The following MMP2 variants were observed in gnomAD, a reference collection of about 807,000 sequenced individuals.
MMP2 encodes the protein 72 kDa type IV collagenase.
A neutral mutation model predicts 74.8 loss-of-function variants in MMP2; 39 were observed. The observed-to-expected ratio is 0.52, with a 90% CI of 0.40 to 0.68. MMP2 has a LOEUF of 0.68. Ranked by LOEUF, MMP2 falls within the 30% of genes least tolerant of loss-of-function variation. The pLI, the probability that MMP2 is intolerant of heterozygous loss-of-function variation, is 0.00. For missense variants in MMP2, 803 were observed against 878.3 expected, an observed-to-expected ratio of 0.91 and a Z score of 1.08; for synonymous variants, 367 against 339.8, an observed-to-expected ratio of 1.08 and a Z score of -0.88.
In MMP2 at chr16:55,498,328, G is replaced by A. The variant is rs373684923; in HGVS notation, c.1649G>A (p.Arg550Gln). The change falls in exon 11 of 13, where the codon CGA (arginine) becomes CAA (glutamine). Residue 550 changes from arginine to glutamine, a missense_variant. By Grantham distance (43) the Arg-to-Gln change is conservative (BLOSUM62 1). This residue lies in a region of MMP2 where 555 missense variants were observed against 592.0 expected (regional missense o/e 0.94). Transcript: ENST00000219070. ...ATCTACTCAGCCAGCACCCTGGAGC[G>A]AGGGTACCCCAAGCCACTGACCAGC... ...YWIYSASTLE[R>Q]GYPKPLTSLG... 1.4e-4 allele frequency: 222 copies of A among 1,614,134 alleles called. No homozygotes were observed. Among genetic ancestry groups the A allele is most frequent in the Non-Finnish European group, 1.8e-4 (208 of 1,180,062 alleles).
Position 55,496,974 on chromosome 16 carries a change from G to A in MMP2, c.1521G>A (p.Leu507=), listed in dbSNP as rs2142365800. 2 of 1,614,138 alleles carry A rather than the reference G, an allele frequency of 1.2e-6. No homozygotes were observed. ...VTPRDKPMGP[L]LVATFWPELP... The stretch of plus-strand genomic sequence containing the variant: ...CACGTGACAAGCCCATGGGGCCCCT[G>A]CTGGTGGCCACATTCTGGCCTGAGC... The change falls in exon 10 of 13, where the codon CTG becomes CTA. Residue 507 remains leucine (L), a synonymous_variant. Coordinates refer to ENST00000219070, the MANE Select transcript of MMP2 (RefSeq NM_004530.6).
In MMP2 at chr16:55,488,530, C is replaced by T. The variant is rs780689252; in HGVS notation, c.833-13C>T. ...GTCTCATTCACATCCTTCCCTCTCT[C>T]CCCCACCCTTAGCCCTGTTCACCAT... On this transcript the variant is annotated splice_polypyrimidine_tract_variant and intron_variant, in intron 5 of 12. Transcript: ENST00000219070. The T allele has an allele frequency of 6.2e-7, 1 of 1,612,784 alleles. No individual in the cohort carries two copies. The highest frequency in any genetic ancestry group is 1.7e-5 in the Admixed American group (1 of 59,978).
In MMP2 at chr16:55,489,583, T is replaced by C. The variant is rs1220609766; in HGVS notation, c.1007-68T>C. The C allele has an allele frequency of 6.9e-6, 11 of 1,586,750 alleles. No individual in the cohort carries two copies. The East Asian group carries it at 1.8e-4, about 26-fold the overall frequency. On this transcript the variant is annotated intron_variant, in intron 6 of 12. Transcript: ENST00000219070. ...GTGTGGTTCATTAAGGTCAGCGTCA[T>C]GTCATTGCTTCCTGGTGGTAGCCTC...
chr16:55,493,050 G>A, intron 8 of MMP2, 108 bp from the exon 9 acceptor site: 7 of 1,381,124 alleles, frequency 5.1e-6, no homozygotes, highest in Admixed American at 1.9e-5. Context: ...AGGCCAGAAG[G>A]CGATTTCTTC....
At chr16:55,479,057 G>T (rs1480173826), upstream of MMP2, 1 of 152,930 alleles carries the variant, frequency 6.5e-6, no homozygotes, top group East Asian at 2.0e-4. Context: ...AAGGAAAAAA[G>T]AGGAGAAAAG....
At chr16:55,492,402 C>T (rs1230142776) in intron 8 of MMP2, among the ~76,000 whole-genome samples, 1 of 151,702 alleles carries the variant, frequency 6.6e-6, no homozygotes, top group African/African-American at 2.4e-5. Flanking sequence ...GTAGTAGAAA[C>T]AGAACAACCA....
chr16:55,485,002 G>T (rs1190619353), intron 3 of MMP2, among the ~76,000 whole-genome samples: 1 of 152,114 alleles, frequency 6.6e-6, no homozygotes, highest in East Asian at 1.9e-4. Flanking sequence ...ACACTAGTGT[G>T]GTAATGTGGG....
Position 55,505,568 on chromosome 16 carries a change from C to T in MMP2, c.*126C>T. 1 of 780,194 alleles carries T rather than the reference C, an allele frequency of 1.3e-6. No individual in the cohort carries two copies. The highest frequency in any genetic ancestry group is 2.3e-6 in the Non-Finnish European group (1 of 441,654). 48.3% of individuals were successfully genotyped at this position (780,194 alleles called of 1,614,324 possible). A position where few individuals can be genotyped will look rare whatever the true frequency, so the allele number is the denominator to read the frequency against. On this transcript the variant is annotated 3_prime_UTR_variant, in exon 13 of 13. Coordinates refer to ENST00000219070, the MANE Select transcript of MMP2 (RefSeq NM_004530.6). ...CAGCTCTACAGCTAATCAGCATTCTCACTCCTACCTGGTAATTTAAGATTC... is the reference window on the plus strand; with the variant it reads ...CAGCTCTACAGCTAATCAGCATTCTTACTCCTACCTGGTAATTTAAGATTC...
intron 8 of MMP2, among the ~76,000 whole-genome samples, chr16:55,492,761 C>T (rs775007353): frequency 2.0e-5 from 3 of 152,094 alleles, no homozygotes; most frequent in Non-Finnish European, 4.4e-5. Context: ...TGAAAAGTGC[C>T]ATACTGTCAG....
At chr16:55,495,232 A>G (rs990209823) in intron 9 of MMP2, among the ~76,000 whole-genome samples, 18 of 152,322 alleles carry the variant, frequency 1.2e-4, no homozygotes, top group African/African-American at 3.6e-4. Flanking sequence ...GGATCTGGCA[A>G]TGTGCTTCAT....
intron 10 of MMP2, among the ~76,000 whole-genome samples, chr16:55,497,780 C>T (rs1381747039): frequency 1.3e-5 from 2 of 152,182 alleles, no homozygotes; most frequent in Non-Finnish European, 2.9e-5. Context: ...TCGCGATGCT[C>T]ACAAACCACT....
chr16:55,500,584 T>C (rs773139170), intron 11 of MMP2, among the ~76,000 whole-genome samples: 1 of 144,924 alleles, frequency 6.9e-6, no homozygotes, highest in Non-Finnish European at 1.5e-5. Context: ...CCAGGCAGAG[T>C]TATTTGCCTC....
intron 1 of MMP2, chr16:55,480,392 G>A (rs775528664): frequency 5.3e-5 from 8 of 152,334 alleles, no homozygotes; most frequent in Non-Finnish European, 1.0e-4. Context: ...AAGAAGGAGA[G>A]AGCTGGCCCG....
At chr16:55,485,188 G>T (rs993264257) in intron 3 of MMP2, 111 bp from the exon 4 acceptor site, 6 of 1,493,266 alleles carry the variant, frequency 4.0e-6, no homozygotes, top group African/African-American at 1.4e-5. Flanking sequence ...TGGGACAAGG[G>T]AAGGGGACAG....
chr16:55,498,350 C>T lies in MMP2; in HGVS notation c.1671C>T (p.Thr557=). 6.2e-7 allele frequency: 1 copy of T among 1,614,252 alleles called. No individual in the cohort carries two copies. Among genetic ancestry groups the T allele is most frequent in the Non-Finnish European group, 8.5e-7 (1 of 1,180,046 alleles). ...TLERGYPKPL[T]SLGLPPDVQR... ...AGCGAGGGTACCCCAAGCCACTGACCAGCCTGGGACTGCCCCCTGATGTCC... is the reference window on the plus strand; with the variant it reads ...AGCGAGGGTACCCCAAGCCACTGACTAGCCTGGGACTGCCCCCTGATGTCC... Residue 557 remains threonine, a synonymous_variant, in exon 11 of 13, where the codon ACC becomes ACT. Coordinates refer to ENST00000219070, the MANE Select transcript of MMP2 (RefSeq NM_004530.6).
chr16:55,497,822 G>C (rs1467985400), intron 10 of MMP2, among the ~76,000 whole-genome samples: 1 of 152,152 alleles, frequency 6.6e-6, no homozygotes, highest in African/African-American at 2.4e-5. Context: ...TCTTATGAGG[G>C]GTAAAGAAGG....
rs778987177 is a variant in MMP2, at chr16:55,493,173, T to C, written c.1352T>C (p.Ile451Thr). 1.7e-5 allele frequency: 28 copies of C among 1,613,944 alleles called. No individual in the cohort carries two copies. Among genetic ancestry groups the C allele is most frequent in the Non-Finnish European group, 2.4e-5 (28 of 1,179,998 alleles). Residue 451 changes from isoleucine (I) to threonine (T), a missense_variant, in exon 9 of 13, where the codon ATT (isoleucine) becomes ACT (threonine). Ile to Thr is a moderately conservative substitution (Grantham distance 89). Around this residue, in one of 3 missense-constraint regions of MMP2, gnomAD observed 555 missense variants for 592.0 expected, o/e 0.94. Coordinates refer to ENST00000219070, the MANE Select transcript of MMP2 (RefSeq NM_004530.6). ...IQELYGASPD[I>T]DLGTGPTPTL... ...TTCTCCCCAGGGGCCTCTCCTGACA[T>C]TGACCTTGGCACCGGCCCCACCCCC...
At chr16:55,498,563 CCT>C in intron 11 of MMP2, 115 bp downstream of exon 11, 1 of 1,381,036 alleles carries the variant, frequency 7.2e-7, no homozygotes, top group East Asian at 2.3e-5. Flanking sequence ...CTCTGGATGC[CCT>C]CTCTCTGGTA....
At chr16:55,492,031 G>A in intron 8 of MMP2, 75 bp downstream of exon 8, 17 of 1,454,112 alleles carry the variant, frequency 1.2e-5, no homozygotes, top group Non-Finnish European at 1.5e-5. Context: ...GGAGGCCCAG[G>A]GGGTGGGACC....
Sources: allele counts gnomAD v4.1 joint callset (sites outside exome capture counted in the v4.1 genomes callset), GRCh38; gene constraint gnomAD v4.1.1; regional missense constraint gnomAD v4.1.1; transcripts MANE v1.5; gene names NCBI Gene and HGNC (gene_info 2026-07-23, HGNC 2026-07-21).